LRRC7: variants seen among roughly 807,000 people sequenced by gnomAD.
LRRC7 encodes leucine-rich repeat-containing protein 7.
In LRRC7, 23 loss-of-function variants were observed where a neutral mutation model predicts 175.7. The observed-to-expected ratio is 0.13, with a 90% CI of 0.09 to 0.19. The LOEUF (loss-of-function observed/expected upper bound fraction) is 0.19, where lower values mean the gene tolerates loss of function less well. Among genes scored for constraint, LRRC7 ranks in the 10% least tolerant of loss-of-function variants. The pLI is 1.00. For synonymous variants in LRRC7, 685 were observed against 680.9 expected (o/e 1.01, Z -0.09); for missense variants, 1,354 against 1,904.7 (o/e 0.71, Z 5.38).
chr1:70,003,642 C>G (rs977778019), intron 11 of LRRC7, among the ~76,000 whole-genome samples: 54 of 152,172 alleles, frequency 3.5e-4, no homozygotes, highest in African/African-American at 1.3e-3. Flanking sequence ...CACAAAACCA[C>G]TAATGATATC....
rs920474870 is a variant in LRRC7 at position 70,136,879 on chromosome 1, C to T, written c.*14992C>T. Reference sequence around the variant, plus strand: ...TAGCTGGGACTATAGGCATGCACCACCACTCCTGGCTAATTTTTTATTTTT... The same window carrying T: ...TAGCTGGGACTATAGGCATGCACCATCACTCCTGGCTAATTTTTTATTTTT... On this transcript the variant is annotated 3_prime_UTR_variant, in exon 27 of 27. Transcript: ENST00000651989. Among the ~76,000 whole-genome samples the T allele has an allele frequency of 6.6e-6, 1 of 151,702 alleles. No individual in the cohort carries two copies. The highest frequency in any genetic ancestry group is 6.6e-5 in the Admixed American group (1 of 15,230).
chr1:69,678,264 A>G, intron 1 of LRRC7, 117 bp from the exon 2 acceptor site: 1 of 691,150 alleles, frequency 1.4e-6, no homozygotes, highest in Non-Finnish European at 2.5e-6. Context: ...TTGCCGGATC[A>G]TCTTCATGGT....
intron 10 of LRRC7, among the ~76,000 whole-genome samples, chr1:69,987,205 G>A (rs528012297): frequency 4.6e-4 from 70 of 152,192 alleles, no homozygotes; most frequent in African/African-American, 1.4e-3. Context: ...AGATTATGCC[G>A]CTGCACTCCA....
chr1:69,692,137 T>C (rs1051383693), intron 2 of LRRC7, among the ~76,000 whole-genome samples: 1 of 152,132 alleles, frequency 6.6e-6, no homozygotes, highest in African/African-American at 2.4e-5. Context: ...GGCTTCTTTT[T>C]TGGGGAACTC....
At chr1:70,116,714 G>A (rs2102234445) in intron 26 of LRRC7, among the ~76,000 whole-genome samples, 1 of 152,154 alleles carries the variant, frequency 6.6e-6, no homozygotes, top group Admixed American at 6.5e-5. Context: ...CTATAATTCA[G>A]GTTTTTGATA....
intron 23 of LRRC7, among the ~76,000 whole-genome samples, chr1:70,072,899 C>G (rs1190210751): frequency 2.0e-5 from 3 of 152,162 alleles, no homozygotes; most frequent in Admixed American, 1.3e-4. Context: ...TGTTCCTTTT[C>G]ATGGTTCCTT....
intron 8 of LRRC7, among the ~76,000 whole-genome samples, chr1:69,941,002 C>G (rs1264695156): frequency 6.6e-6 from 1 of 151,960 alleles, no homozygotes; most frequent in African/African-American, 2.4e-5. Context: ...AAGCTTCAGT[C>G]TCAGAAGGTA....
intron 23 of LRRC7, among the ~76,000 whole-genome samples, chr1:70,059,470 AGAAAGTGT>A (rs1237743851): frequency 7.8e-6 from 1 of 128,092 alleles, no homozygotes; most frequent in Non-Finnish European, 1.6e-5. Context: ...AGAAACTAGA[AGAAAGTGT>A]GTGTGTGTGT....
At chr1:69,856,543 C>G (rs780136105) in intron 7 of LRRC7, among the ~76,000 whole-genome samples, 3 of 152,278 alleles carry the variant, frequency 2.0e-5, no homozygotes, top group Admixed American at 1.3e-4. Flanking sequence ...GACACATACA[C>G]CCTCCCAAGA....
In LRRC7 at chr1:70,038,476, C is replaced by T. The variant is rs1484907257; in HGVS notation, c.2652C>T (p.Thr884=). Residue 884 remains threonine, a synonymous_variant, in exon 21 of 27, where the codon ACC becomes ACT. Coordinates refer to ENST00000651989, the MANE Select transcript of LRRC7 (RefSeq NM_001370785.2). ...CTTCCAATCCTTGGCAGAATTGGACCAGAACCCCTAGTCCGTTTGAAGACA... is the reference window on the plus strand; with the variant it reads ...CTTCCAATCCTTGGCAGAATTGGACTAGAACCCCTAGTCCGTTTGAAGACA... ...VPPSNPWQNW[T]RTPSPFEDRT... The T allele has an allele frequency of 1.9e-6, 3 of 1,614,098 alleles. No homozygotes were observed. The highest frequency in any genetic ancestry group is 2.5e-6 in the Non-Finnish European group (3 of 1,179,994).
rs941573605 is a variant in LRRC7, at chr1:70,123,954, A to G, written c.*2067A>G. Among the ~76,000 whole-genome samples, 1 of 152,148 alleles carries G rather than the reference A, an allele frequency of 6.6e-6. No homozygotes were observed. The highest frequency in any genetic ancestry group is 1.5e-5 in the Non-Finnish European group (1 of 68,018). ...AAGAGCCAGATATAGAACTGCCCCA[A>G]GTCTTTTTCTTATGGTTTCTATATC... is the stretch of plus-strand genomic sequence containing the variant. On this transcript the variant is annotated 3_prime_UTR_variant, in exon 27 of 27. Transcript: ENST00000651989.
At chr1:69,630,317 A>G (rs1297240170) in intron 1 of LRRC7, among the ~76,000 whole-genome samples, 7 of 152,132 alleles carry the variant, frequency 4.6e-5, no homozygotes, top group Admixed American at 3.9e-4. Context: ...ATATTGTGCT[A>G]TTTCAAACAA....
chr1:69,760,688 C>A (rs1018453035), intron 3 of LRRC7, among the ~76,000 whole-genome samples: 2 of 151,650 alleles, frequency 1.3e-5, no homozygotes, highest in African/African-American at 4.8e-5. Flanking sequence ...GGGTTGAGAT[C>A]AATAGTTTAT....
At chr1:69,677,264 T>A (rs1216623186) in intron 1 of LRRC7, among the ~76,000 whole-genome samples, 1 of 147,934 alleles carries the variant, frequency 6.8e-6, no homozygotes, top group Admixed American at 6.8e-5. Flanking sequence ...CATATATATA[T>A]CATATATGTA....
At chr1:69,596,603 A>G (rs912200941) in intron 1 of LRRC7, among the ~76,000 whole-genome samples, 1 of 152,234 alleles carries the variant, frequency 6.6e-6, no homozygotes, top group Non-Finnish European at 1.5e-5. Flanking sequence ...TTTAAGTGGG[A>G]CAAACTATTT....
intron 7 of LRRC7, among the ~76,000 whole-genome samples, chr1:69,921,258 G>A (rs1646879610): frequency 6.6e-6 from 1 of 152,092 alleles, no homozygotes; most frequent in Non-Finnish European, 1.5e-5. Flanking sequence ...TCGTTTTCAG[G>A]TAGAGTAGAT....
intron 2 of LRRC7, among the ~76,000 whole-genome samples, chr1:69,686,551 G>A (rs143408394): frequency 5.4e-4 from 82 of 152,190 alleles, no homozygotes; most frequent in Admixed American, 3.3e-3. Flanking sequence ...GATAAGTTAC[G>A]TATATTGTAA....
intron 7 of LRRC7, among the ~76,000 whole-genome samples, chr1:69,923,652 TG>T (rs1371228278): frequency 6.6e-6 from 1 of 152,206 alleles, no homozygotes; most frequent in East Asian, 1.9e-4. Context: ...TGGTGTTATT[TG>T]TTTTTTTCTT....
chr1:69,923,933 T>C (rs1328622968), intron 7 of LRRC7, among the ~76,000 whole-genome samples: 1 of 151,672 alleles, frequency 6.6e-6, no homozygotes, highest in Non-Finnish European at 1.5e-5. Context: ...TTTATGGTTT[T>C]AGGTCTAACA....
Sources: gnomAD v4.1 joint callset for allele counts (sites outside exome capture counted in the v4.1 genomes callset) on GRCh38, gnomAD v4.1.1 for gene constraint, MANE v1.5 for transcripts, NCBI Gene and HGNC (gene_info 2026-07-23, HGNC 2026-07-21) for gene names.